Variants in NDUFA10 observed in about 807,000 individuals in gnomAD.
The protein encoded by NDUFA10 is NADH:ubiquinone oxidoreductase subunit A10.
In NDUFA10, 40 loss-of-function variants were observed where a neutral mutation model predicts 47.8. The ratio of observed to expected loss-of-function variants is 0.84; its 90% CI spans 0.65 to 1.09. The LOEUF is 1.09. Among genes scored for constraint, NDUFA10 ranks in the 50% least tolerant of loss-of-function variants. NDUFA10 has a pLI of 0.00. For missense variants in NDUFA10, 413 were observed against 451.1 expected (o/e 0.92, Z 0.76); for synonymous variants, 183 against 172.2 (o/e 1.06, Z -0.49).
chr2:239,904,267 TTTTTC>T (rs370974869), intron 4 of NDUFA10, among the ~76,000 whole-genome samples: 244 of 152,186 alleles, frequency 1.6e-3, no homozygotes, highest in African/African-American at 5.6e-3. Flanking sequence ...TTCTTCTTCT[TTTTTC>T]TTTTTAGTTA....
At chr2:239,953,865 C>T (rs1021878927), downstream of NDUFA10, among the ~76,000 whole-genome samples, 1 of 152,244 alleles carries the variant, frequency 6.6e-6, no homozygotes, top group Admixed American at 6.5e-5. Context: ...CACACACTGG[C>T]GTCTCTCCAG....
intron 1 of NDUFA10, among the ~76,000 whole-genome samples, chr2:240,024,975 C>T (rs956677144): frequency 1.1e-4 from 8 of 76,164 alleles, no homozygotes; most frequent in Non-Finnish European, 1.5e-4. Flanking sequence ...AGCCTCGGGG[C>T]CCTGATCACC....
chr2:240,021,534 C>T (rs1697623513), intron 2 of NDUFA10, 122 bp from the exon 3 acceptor site: 1 of 868,812 alleles, frequency 1.2e-6, no homozygotes, highest in African/African-American at 1.7e-5. Flanking sequence ...GAGCCAATGA[C>T]CTAGAGAAAG....
Position 239,959,998 on chromosome 2 carries a change from G to A in NDUFA10, c.*1120C>T, listed in dbSNP as rs1199645302. On this transcript the variant is annotated 3_prime_UTR_variant, in exon 10 of 10. Transcript: ENST00000252711. ...CTGGAACTACTGCCCACAGGCGGCT[G>A]TGGAGTGCCTGAACTATGGCCAGTG... 2.5e-5 allele frequency: 25 copies of A among 985,010 alleles called. No homozygotes were observed. Among genetic ancestry groups the A allele is most frequent in the Admixed American group, 6.1e-5 (1 of 16,274 alleles). 61.0% of individuals were successfully genotyped at this position (985,010 alleles called of 1,614,324 possible).
chr2:239,921,778 G>A (rs1347042161), intron 4 of NDUFA10, among the ~76,000 whole-genome samples: 2 of 152,108 alleles, frequency 1.3e-5, no homozygotes, highest in African/African-American at 4.8e-5. Context: ...GTTCCCTCTG[G>A]GTGAGGCCTC....
At position 239,961,115 on chromosome 2, in the gene NDUFA10, C is replaced by G. The variant is rs758335453; in HGVS notation, c.*3G>C. On this transcript the variant is annotated 3_prime_UTR_variant, in exon 10 of 10. Transcript: ENST00000252711. ...GATGCAGCTGGAGCAGAAGGCGGCC[C>G]GTTCACTTCAGCCAGATCCACTTGT... 1.2e-6 allele frequency: 2 copies of G among 1,614,174 alleles called. No individual in the cohort carries two copies. The highest frequency in any genetic ancestry group is 1.7e-6 in the Non-Finnish European group (2 of 1,180,028).
chr2:240,021,466 G>C (rs1697620200), intron 2 of NDUFA10, 54 bp from the exon 3 acceptor site: 48 of 1,503,134 alleles, frequency 3.2e-5, no homozygotes, highest in Non-Finnish European at 4.3e-5. Flanking sequence ...ACTCCCCGCA[G>C]GGAGCAGTGG....
chr2:240,017,844 A>C, intron 4 of NDUFA10: 1 of 1,568,466 alleles, frequency 6.4e-7, no homozygotes, highest in Non-Finnish European at 8.6e-7. Context: ...TCTTTCATTA[A>C]TCAACAGTAC....
At chr2:239,936,949 G>C (rs994529193) in intron 4 of NDUFA10, among the ~76,000 whole-genome samples, 3 of 152,168 alleles carry the variant, frequency 2.0e-5, no homozygotes, top group Non-Finnish European at 4.4e-5. Flanking sequence ...GACAGAGAGA[G>C]ACCCTGTCTC....
intron 9 of NDUFA10, among the ~76,000 whole-genome samples, chr2:239,975,525 C>A (rs11894586): frequency 1.5e-3 from 232 of 152,326 alleles, no homozygotes; most frequent in African/African-American, 5.3e-3. Flanking sequence ...CCTCAGAAAG[C>A]CACTGTGTCA....
At chr2:239,904,449 C>T (rs1292415868) in intron 4 of NDUFA10, among the ~76,000 whole-genome samples, 2 of 152,152 alleles carry the variant, frequency 1.3e-5, no homozygotes, top group African/African-American at 4.8e-5. Context: ...AGGCACACGC[C>T]ATGTCCAGCT....
At position 240,025,327 on chromosome 2, in the gene NDUFA10, G is replaced by A. The variant is rs1697822283; in HGVS notation, c.-26C>T. The A allele has an allele frequency of 2.7e-6, 4 of 1,480,296 alleles. No homozygotes were observed. Among genetic ancestry groups the A allele is most frequent in the South Asian group, 1.3e-5 (1 of 77,580 alleles). The allele number at this position is 1,480,296 out of a possible 1,614,324, so 91.7% of individuals were successfully genotyped here. A position where few individuals can be genotyped will look rare whatever the true frequency, so the allele number is the denominator to read the frequency against. On this transcript the variant is annotated 5_prime_UTR_variant, in exon 1 of 10. Transcript: ENST00000252711. ...GGCTACCCGGTCAGCTCAGGATCAAGGACCCAAGGGGACGCGGTCGCGACG... is the reference window on the plus strand; with the variant it reads ...GGCTACCCGGTCAGCTCAGGATCAAAGACCCAAGGGGACGCGGTCGCGACG...
chr2:240,019,402 T>C (rs1408109941), intron 3 of NDUFA10, among the ~76,000 whole-genome samples: 1 of 152,238 alleles, frequency 6.6e-6, no homozygotes, highest in East Asian at 1.9e-4. Context: ...GCACTTTTTT[T>C]TTCTAAATGG....
exon 5 of NDUFA10, chr2:239,895,300 C>T: frequency 2.1e-6 from 1 of 467,874 alleles, no homozygotes. Flanking sequence ...ATCTGTGCTC[C>T]TGGTCTGCTG....
intron 8 of NDUFA10, among the ~76,000 whole-genome samples, chr2:240,003,217 A>C (rs1205429624): frequency 1.3e-5 from 2 of 152,204 alleles, no homozygotes; most frequent in Admixed American, 1.3e-4. Context: ...GCAGTGAGCC[A>C]GCTGTCCCTC....
chr2:239,961,156 T>C lies in NDUFA10; in HGVS notation c.1030A>G (p.Asn344Asp), dbSNP rs1278073137. 6.2e-7 allele frequency: 1 copy of C among 1,614,098 alleles called. No homozygotes were observed. Among genetic ancestry groups the C allele is most frequent in the Non-Finnish European group, 8.5e-7 (1 of 1,180,010 alleles). The change falls in exon 10 of 10, where the codon AAC becomes GAC. Residue 344 changes from asparagine to aspartate, a missense_variant. By Grantham distance (23) the Asn-to-Asp change is conservative. Coordinates refer to ENST00000252711, the MANE Select transcript of NDUFA10 (RefSeq NM_004544.4). ...ATCCACTTGTCTCCCACCTCGGTGTTGTACCCAGGGCTGTACTTGCGGCCC... is the reference window on the plus strand; with the variant it reads ...ATCCACTTGTCTCCCACCTCGGTGTCGTACCCAGGGCTGTACTTGCGGCCC... ...LPGRKYSPGY[N>D]TEVGDKWIWL...
chr2:239,905,556 T>A (rs68109756), intron 4 of NDUFA10, among the ~76,000 whole-genome samples: 23,224 of 152,036 alleles, frequency 0.15, 1,855 homozygotes, highest in South Asian at 0.18. Context: ...CTGATTGACA[T>A]GTTCTTCACG....
At chr2:240,020,797 C>G (rs1008316092) in intron 3 of NDUFA10, among the ~76,000 whole-genome samples, 5 of 152,284 alleles carry the variant, frequency 3.3e-5, no homozygotes, top group African/African-American at 1.2e-4. Context: ...CCGGGACAAC[C>G]CTATGTTGTT....
At chr2:239,917,594 T>C (rs1286440445) in intron 4 of NDUFA10, among the ~76,000 whole-genome samples, 4 of 152,218 alleles carry the variant, frequency 2.6e-5, no homozygotes, top group African/African-American at 7.2e-5. Context: ...CTGGGTTGCA[T>C]AGCAACAGTC....
Sources: gnomAD v4.1 joint callset for allele counts (sites outside exome capture counted in the v4.1 genomes callset) on GRCh38, gnomAD v4.1.1 for gene constraint, MANE v1.5 for transcripts, NCBI Gene and HGNC (gene_info 2026-07-23, HGNC 2026-07-21) for gene names.